Variants in PRPH2 observed in about 807,000 individuals in gnomAD.
The protein encoded by PRPH2 is peripherin 2.
Under a neutral mutation model 31.3 loss-of-function variants are expected in PRPH2, and 17 were observed. The ratio of observed to expected loss-of-function variants is 0.54; its 90% CI spans 0.37 to 0.81. The LOEUF is 0.81. PRPH2 is among the 40% of genes least tolerant of loss of function. PRPH2 has a pLI of 0.00. For missense variants in PRPH2, 430 were observed against 439.7 expected, an observed-to-expected ratio of 0.98 and a Z score of 0.20; for synonymous variants, 165 against 184.4, an observed-to-expected ratio of 0.89 and a Z score of 0.85.
At position 42,717,196 on chromosome 6, in the gene PRPH2, T is replaced by G. The variant is rs1436780963; in HGVS notation, c.581+4558A>C. Among the ~76,000 whole-genome samples, 3 of 150,684 alleles carry G rather than the reference T, an allele frequency of 2.0e-5. No individual in the cohort carries two copies. In the East Asian group the frequency reaches 6.0e-4, roughly 30 times the overall value. On this transcript the variant is annotated intron_variant, in intron 1 of 2. Coordinates refer to ENST00000230381, the MANE Select transcript of PRPH2 (RefSeq NM_000322.5). ...GGGAGGCCAAGGAAGGTGGATCACTTGAGGTTAGGAGTTCAAGACCAGCCT... is the reference window on the plus strand; with the variant it reads ...GGGAGGCCAAGGAAGGTGGATCACTGGAGGTTAGGAGTTCAAGACCAGCCT...
chr6:42,709,907 C>G (rs1562426760), intron 1 of PRPH2, among the ~76,000 whole-genome samples: 1 of 152,190 alleles, frequency 6.6e-6, no homozygotes, highest in Non-Finnish European at 1.5e-5. Context: ...CCAGGTGGCC[C>G]TAAGGTGGAG....
chr6:42,706,318 T>C (rs1170996427), intron 1 of PRPH2, among the ~76,000 whole-genome samples: 1 of 151,694 alleles, frequency 6.6e-6, no homozygotes, highest in Non-Finnish European at 1.5e-5. Context: ...GGCAGGAGAA[T>C]GGCGTGAACC....
rs759720567 is a variant in PRPH2 at position 42,722,348 on chromosome 6, A to G, written c.-14T>C. 2 of 1,612,820 alleles carry G rather than the reference A, an allele frequency of 1.2e-6. No homozygotes were observed. The highest frequency in any genetic ancestry group is 1.7e-6 in the Non-Finnish European group (2 of 1,180,032). The stretch of plus-strand genomic sequence containing the variant: ...CAGTAGCGCCATGCTTGCCAAGTGT[A>G]GTCCGGGTTGCTTCCCACAGCACAG... On this transcript the variant is annotated 5_prime_UTR_variant, in exon 1 of 3. Transcript: ENST00000230381. This position sits in a 1 kb window ranked among gnomAD's most constrained non-coding sequence, Gnocchi z 4.4.
intron 1 of PRPH2, among the ~76,000 whole-genome samples, chr6:42,713,177 A>ATGGTGCCACTGCACTCCAGCC (rs1761705927): frequency 1.3e-5 from 2 of 151,814 alleles, no homozygotes; most frequent in East Asian, 3.9e-4. Context: ...GTGAGCCGAC[A>ATGGTGCCACTGCACTCCAGCC]TGGTGCCACT....
chr6:42,700,393 A>C (rs1186300647), intron 2 of PRPH2, among the ~76,000 whole-genome samples: 2 of 152,198 alleles, frequency 1.3e-5, no homozygotes, highest in African/African-American at 4.8e-5. Context: ...CTGCTCCCTG[A>C]GGGCAGGGAT....
chr6:42,716,966 T>TC (rs1761798605), intron 1 of PRPH2, among the ~76,000 whole-genome samples: 2 of 115,272 alleles, frequency 1.7e-5, no homozygotes, highest in East Asian at 2.5e-4. Flanking sequence ...TCTTTTCTTT[T>TC]TTTTTTTTTT....
chr6:42,721,670 C>T (rs1388133011), intron 1 of PRPH2, 84 bp downstream of exon 1: 25 of 1,501,078 alleles, frequency 1.7e-5, no homozygotes, highest in South Asian at 1.1e-4. Context: ...GCACTGGGTG[C>T]GGGGAGAGGG....
chr6:42,716,177 C>T (rs922800739), intron 1 of PRPH2, among the ~76,000 whole-genome samples: 1 of 152,142 alleles, frequency 6.6e-6, no homozygotes, highest in African/African-American at 2.4e-5. Context: ...ATCGCTTCCC[C>T]ACAGTCCTCA....
At chr6:42,709,158 G>A (rs562197656) in intron 1 of PRPH2, among the ~76,000 whole-genome samples, 162 of 151,474 alleles carry the variant, frequency 1.1e-3, no homozygotes, top group Non-Finnish European at 1.9e-3. Context: ...GTGAAACCCC[G>A]TCTCTACTAA....
At chr6:42,716,222 T>C (rs915514584) in intron 1 of PRPH2, among the ~76,000 whole-genome samples, 4 of 151,930 alleles carry the variant, frequency 2.6e-5, no homozygotes, top group African/African-American at 9.7e-5. Flanking sequence ...CCCGAACCTC[T>C]TTGTTGGCTC....
chr6:42,701,682 A>ATTTTTTTTTTT (rs70990127), intron 2 of PRPH2, among the ~76,000 whole-genome samples: 8,098 of 78,096 alleles, frequency 0.1, 1,649 homozygotes, highest in Non-Finnish European at 0.13. Flanking sequence ...ACGTCCAGCA[A>ATTTTTTTTTTT]TTTTTTTTTT....
Position 42,704,619 on chromosome 6 carries a change from G to T in PRPH2, c.582-8C>A. ...ACGTTGCTCTTGATTCGACTTAAAG[G>T]GAAACAGACAGCTGGAGATGGGCTT... On this transcript the variant is annotated splice_region_variant and splice_polypyrimidine_tract_variant and intron_variant, in intron 1 of 2. Transcript: ENST00000230381. 1 of 1,614,202 alleles carries T rather than the reference G, an allele frequency of 6.2e-7. No individual in the cohort carries two copies. Among genetic ancestry groups the T allele is most frequent in the Non-Finnish European group, 8.5e-7 (1 of 1,180,038 alleles).
At chr6:42,720,954 C>A (rs554134404) in intron 1 of PRPH2, among the ~76,000 whole-genome samples, 1 of 152,196 alleles carries the variant, frequency 6.6e-6, no homozygotes, top group Non-Finnish European at 1.5e-5. Flanking sequence ...CACAGCCCAT[C>A]GCAGCATTTT....
rs1035107521 is a variant in PRPH2, at chr6:42,697,639, A to G, written c.*656T>C. The G allele has an allele frequency of 1.3e-5, 2 of 152,450 alleles. No homozygotes were observed. Among genetic ancestry groups the G allele is most frequent in the African/African-American group, 4.8e-5 (2 of 41,416 alleles). 9.4% of individuals were successfully genotyped at this position (152,450 alleles called of 1,614,324 possible). ...AATGGGACACAAAAGCAGGCCTTTC[A>G]CTGTGTTTTTGGTGGGGGATAAAAT... is the stretch of plus-strand genomic sequence containing the variant. On this transcript the variant is annotated 3_prime_UTR_variant, in exon 3 of 3. Coordinates refer to ENST00000230381, the MANE Select transcript of PRPH2 (RefSeq NM_000322.5).
chr6:42,705,917 C>T (rs1800154580), intron 1 of PRPH2, among the ~76,000 whole-genome samples: 1 of 149,902 alleles, frequency 6.7e-6, no homozygotes, highest in Non-Finnish European at 1.5e-5. Context: ...CAAGATCACA[C>T]CACTGCACTC....
chr6:42,704,290 G>A (rs1233980838), intron 2 of PRPH2, 75 bp downstream of exon 2: 5 of 1,549,686 alleles, frequency 3.2e-6, no homozygotes, highest in Admixed American at 3.8e-5. Context: ...CTCCAAGCCT[G>A]GCTCCGCCCC....
chr6:42,710,636 C>T (rs945732004), intron 1 of PRPH2, among the ~76,000 whole-genome samples: 3 of 152,074 alleles, frequency 2.0e-5, no homozygotes, highest in Admixed American at 6.6e-5. Flanking sequence ...CGGAAGGGGC[C>T]GGGGGCGGTG....
Position 42,722,233 on chromosome 6 carries a change from G to A in PRPH2, c.102C>T (p.Ile34=), listed in dbSNP as rs762209841. 5.0e-6 allele frequency: 8 copies of A among 1,614,228 alleles called. No individual in the cohort carries two copies. The highest frequency in any genetic ancestry group is 6.8e-6 in the Non-Finnish European group (8 of 1,180,040). The part of the protein sequence containing the change: ...NWFSVLAGII[I]FSLGLFLKIE... The stretch of plus-strand genomic sequence containing the variant: ...TCTTCAGGAACAGTCCTAGGCTGAA[G>A]ATGATGATGCCAGCCAACACGGAGA... Residue 34 remains isoleucine, a synonymous_variant, in exon 1 of 3, where the codon ATC becomes ATT. Transcript: ENST00000230381. The surrounding 1 kb of genome is among the most constrained non-coding windows in gnomAD (Gnocchi z 4.4).
At chr6:42,701,316 G>T (rs1314772015) in intron 2 of PRPH2, among the ~76,000 whole-genome samples, 1 of 151,974 alleles carries the variant, frequency 6.6e-6, no homozygotes, top group Non-Finnish European at 1.5e-5. Context: ...TAGAGACAGG[G>T]TTTCTCCATG....
Sources: allele counts gnomAD v4.1 joint callset (sites outside exome capture counted in the v4.1 genomes callset), GRCh38; gene constraint gnomAD v4.1.1; non-coding constraint Gnocchi (gnomAD v3.1); transcripts MANE v1.5; gene names NCBI Gene and HGNC (gene_info 2026-07-23, HGNC 2026-07-21).